ACTN1: variants seen among roughly 807,000 people sequenced by gnomAD.
ACTN1 encodes alpha-actinin-1.
In ACTN1, 30 loss-of-function variants were observed where a neutral mutation model predicts 119.6. The observed-to-expected ratio is 0.25, with a 90% CI of 0.19 to 0.34. The LOEUF is 0.34. ACTN1 is among the 10% of genes least tolerant of loss of function. The probability of loss-of-function intolerance (pLI) is 1.00; values close to 1 mark genes in which losing one functional copy is unlikely to be tolerated. For missense variants in ACTN1, 764 were observed against 1,223.4 expected, an observed-to-expected ratio of 0.62 and a Z score of 5.60; for synonymous variants, 429 against 472.6, an observed-to-expected ratio of 0.91 and a Z score of 1.20.
chr14:68,903,161 A>G (rs2033446791), intron 7 of ACTN1, among the ~76,000 whole-genome samples: 1 of 152,246 alleles, frequency 6.6e-6, no homozygotes, highest in Admixed American at 6.5e-5. Flanking sequence ...AAAGTGTGGC[A>G]AGACCTCAGT....
At chr14:68,964,323 G>A (rs1261348788) in intron 1 of ACTN1, among the ~76,000 whole-genome samples, 2 of 152,150 alleles carry the variant, frequency 1.3e-5, no homozygotes, top group African/African-American at 2.4e-5. Flanking sequence ...CATTCTACCT[G>A]AGCCACCCCC....
rs780677719 is a variant in ACTN1, at chr14:68,890,191, G to A, written c.1182C>T (p.His394=). 2 of 1,614,202 alleles carry A rather than the reference G, an allele frequency of 1.2e-6. No homozygotes were observed. Among genetic ancestry groups the A allele is most frequent in the South Asian group, 1.1e-5 (1 of 91,088 alleles). ...NEIRRLERLD[H]LAEKFRQKAS... is the part of the protein sequence containing the mutation. ...CCTTCTGCCGGAACTTCTCTGCCAG[G>A]TGGTCCAGTCGCTCCAGCCTCCGGA... The change falls in exon 11 of 22, where the codon CAC becomes CAT. Residue 394 remains histidine (H), a synonymous_variant. Coordinates refer to ENST00000394419, the MANE Select transcript of ACTN1 (RefSeq NM_001130004.2).
Position 68,979,140 on chromosome 14 carries a change from T to TAGGGC in ACTN1, c.-89_-85dup. 1.5e-6 allele frequency: 1 copy of TAGGGC among 679,828 alleles called. No individual in the cohort carries two copies. The highest frequency in any genetic ancestry group is 2.3e-6 in the Non-Finnish European group (1 of 442,038). 42.1% of individuals were successfully genotyped at this position (679,828 alleles called of 1,614,324 possible). Reference sequence around the variant, plus strand: ...CTGCTGCCCTGGCGTGGGGAGGGAGTAGGGCTGGGCTGGGCTGGGCTGGCG... The same window carrying TAGGGC: ...CTGCTGCCCTGGCGTGGGGAGGGAGTAGGGCAGGGCTGGGCTGGGCTGGGCTGGCG... On this transcript the variant is annotated 5_prime_UTR_variant, in exon 1 of 22. Transcript: ENST00000394419.
intron 1 of ACTN1, among the ~76,000 whole-genome samples, chr14:68,933,980 G>GAAA (rs60158948): frequency 8.4e-6 from 1 of 119,702 alleles, no homozygotes; most frequent in Non-Finnish European, 1.8e-5. Flanking sequence ...CCTGTCTCAA[G>GAAA]AAAAAAAAAA....
intron 1 of ACTN1, among the ~76,000 whole-genome samples, chr14:68,935,970 G>A (rs936061643): frequency 6.6e-6 from 1 of 152,166 alleles, no homozygotes; most frequent in African/African-American, 2.4e-5. Flanking sequence ...TAAGTGTTCA[G>A]AGGATGGGAT....
intron 1 of ACTN1, among the ~76,000 whole-genome samples, chr14:68,950,043 C>T (rs576030861): frequency 7.2e-5 from 11 of 152,238 alleles, no homozygotes; most frequent in African/African-American, 2.6e-4. Context: ...CACCTGTAAT[C>T]CCAGCACTTT....
rs4902666 is a variant in ACTN1 at position 68,893,484 on chromosome 14, T to G, written c.855+171A>C. ...TCAGGGACTGGCCTCTGCCCCCACC[T>G]CACTACTTTCTGGGAGAGCCACAAC... On this transcript the variant is annotated intron_variant, in intron 9 of 21. Transcript: ENST00000394419. Among the ~76,000 whole-genome samples the G allele has an allele frequency of 1.8e-3, 268 of 152,268 alleles. 3 individuals carry two copies. The highest frequency in any genetic ancestry group is 0.016 in the Admixed American group (248 of 15,284).
At chr14:68,893,276 G>A (rs541014406) in intron 9 of ACTN1, among the ~76,000 whole-genome samples, 91 of 152,230 alleles carry the variant, frequency 6.0e-4, no homozygotes, top group African/African-American at 2.1e-3. Context: ...CTAATTTACC[G>A]AAAACCCTAC....
chr14:68,977,721 A>C, intron 1 of ACTN1: 1 of 316,854 alleles, frequency 3.2e-6, no homozygotes, highest in South Asian at 2.4e-5. Flanking sequence ...AAAGGGAATG[A>C]ATGTTACCAT....
intron 1 of ACTN1, chr14:68,978,280 C>T (rs1229988692): frequency 2.2e-6 from 1 of 453,330 alleles, no homozygotes; most frequent in Non-Finnish European, 4.4e-6. Context: ...AGCTTCCAAC[C>T]CACTGAGTTA....
intron 1 of ACTN1, among the ~76,000 whole-genome samples, chr14:68,936,256 C>G (rs192268670): frequency 9.9e-5 from 15 of 152,256 alleles, no homozygotes; most frequent in Non-Finnish European, 1.5e-5. Flanking sequence ...GAACTCAAAA[C>G]ATACTCAGTG....
At chr14:68,890,104 C>T in intron 11 of ACTN1, 35 bp downstream of exon 11, 3 of 1,606,290 alleles carry the variant, frequency 1.9e-6, no homozygotes, top group South Asian at 1.1e-5. Flanking sequence ...GGAAGTGAAG[C>T]CCTGGGGGGA....
chr14:68,908,781 C>T (rs1347664060), intron 6 of ACTN1, among the ~76,000 whole-genome samples: 3 of 152,172 alleles, frequency 2.0e-5, no homozygotes, highest in Admixed American at 6.5e-5. Flanking sequence ...GTCCCCACTC[C>T]ACACACCCAC....
intron 1 of ACTN1, among the ~76,000 whole-genome samples, chr14:68,933,494 G>A (rs1013024693): frequency 6.6e-6 from 1 of 152,090 alleles, no homozygotes; most frequent in African/African-American, 2.4e-5. Flanking sequence ...GCTATCCTTT[G>A]TTTTTCTACC....
intron 1 of ACTN1, among the ~76,000 whole-genome samples, chr14:68,954,084 C>T (rs142622895): frequency 2.6e-5 from 4 of 152,260 alleles, no homozygotes; most frequent in African/African-American, 9.6e-5. Flanking sequence ...CACTATCTTC[C>T]TTATTTACAG....
chr14:68,903,485 G>A (rs947430525), intron 7 of ACTN1, among the ~76,000 whole-genome samples: 15 of 151,674 alleles, frequency 9.9e-5, no homozygotes, highest in African/African-American at 3.1e-4. Context: ...TGCAGTGAGC[G>A]GAGATCGCAC....
intron 1 of ACTN1, among the ~76,000 whole-genome samples, chr14:68,939,840 C>T (rs1038517852): frequency 3.3e-5 from 5 of 152,142 alleles, no homozygotes; most frequent in Admixed American, 2.0e-4. Context: ...TCCAGGACCC[C>T]GCTAAGCCTT....
chr14:68,927,665 G>A (rs773484505), intron 1 of ACTN1, among the ~76,000 whole-genome samples: 1 of 152,160 alleles, frequency 6.6e-6, no homozygotes, highest in Non-Finnish European at 1.5e-5. Context: ...GGAGGAAAGA[G>A]GACGCAGCAG....
intron 1 of ACTN1, among the ~76,000 whole-genome samples, chr14:68,960,383 G>A (rs989675997): frequency 3.3e-5 from 5 of 152,176 alleles, no homozygotes; most frequent in East Asian, 1.9e-4. Flanking sequence ...ACAACTATGT[G>A]AGGTGATGGA....
Sources: gnomAD v4.1 joint callset for allele counts (sites outside exome capture counted in the v4.1 genomes callset) on GRCh38, gnomAD v4.1.1 for gene constraint, MANE v1.5 for transcripts, NCBI Gene and HGNC (gene_info 2026-07-23, HGNC 2026-07-21) for gene names.